THRB: variants seen among roughly 807,000 people sequenced by gnomAD.
THRB encodes thyroid hormone receptor beta.
A neutral mutation model predicts 47.8 loss-of-function variants in THRB; 12 were observed. The observed-to-expected ratio is 0.25, with a 90% CI of 0.16 to 0.41. The LOEUF (loss-of-function observed/expected upper bound fraction) is 0.41. Among genes scored for constraint, THRB ranks in the 10% least tolerant of loss-of-function variants. The pLI is 1.00. For missense variants in THRB, 348 were observed against 589.2 expected (o/e 0.59, Z 4.24); for synonymous variants, 218 against 212.2 (o/e 1.03, Z -0.24).
intron 3 of THRB, among the ~76,000 whole-genome samples, chr3:24,290,592 C>G (rs1361551384): frequency 6.6e-6 from 1 of 152,150 alleles, no homozygotes; most frequent in East Asian, 1.9e-4. Context: ...TTCAGTTTCT[C>G]CTCCAAGAGA....
intron 1 of THRB, among the ~76,000 whole-genome samples, chr3:24,453,226 A>G (rs990912623): frequency 1.3e-5 from 2 of 152,214 alleles, no homozygotes; most frequent in African/African-American, 4.8e-5. Context: ...AGCATTCACT[A>G]TGTGCCAGGT....
chr3:24,439,261 C>T (rs1159365972), intron 1 of THRB, among the ~76,000 whole-genome samples: 1 of 152,100 alleles, frequency 6.6e-6, no homozygotes, highest in Non-Finnish European at 1.5e-5. Flanking sequence ...ATATGACAGC[C>T]AACAACTGCA....
At chr3:24,435,497 C>A (rs1370499886) in intron 1 of THRB, among the ~76,000 whole-genome samples, 2 of 152,150 alleles carry the variant, frequency 1.3e-5, no homozygotes, top group African/African-American at 4.8e-5. Flanking sequence ...CACATCCAAA[C>A]CCCCCAGGGC....
At chr3:24,453,106 G>A (rs1431357553) in intron 1 of THRB, among the ~76,000 whole-genome samples, 6 of 152,182 alleles carry the variant, frequency 3.9e-5, no homozygotes, top group East Asian at 1.9e-4. Context: ...TACACAAGCC[G>A]GATACCTGTC....
intron 1 of THRB, among the ~76,000 whole-genome samples, chr3:24,385,385 T>G (rs1198367297): frequency 1.3e-5 from 2 of 151,122 alleles, no homozygotes; most frequent in Non-Finnish European, 2.9e-5. Context: ...CCAGAGAAAA[T>G]CAACTACACT....
chr3:24,456,399 G>T (rs1461387310), intron 1 of THRB, among the ~76,000 whole-genome samples: 1 of 151,430 alleles, frequency 6.6e-6, no homozygotes, highest in African/African-American at 2.4e-5. Context: ...AATCTGTTTT[G>T]GTTGTCACCT....
intron 3 of THRB, among the ~76,000 whole-genome samples, chr3:24,245,639 G>A (rs1363566042): frequency 6.6e-6 from 1 of 152,168 alleles, no homozygotes; most frequent in East Asian, 1.9e-4. Context: ...CTGGTCAGGT[G>A]CAGTGGCTCA....
intron 1 of THRB, among the ~76,000 whole-genome samples, chr3:24,396,164 T>A (rs926825701): frequency 8.5e-5 from 13 of 152,048 alleles, no homozygotes; most frequent in African/African-American, 2.9e-4. Context: ...TATATATATA[T>A]ATAGGCATAT....
At chr3:24,161,074 G>A (rs2038738150) in intron 5 of THRB, among the ~76,000 whole-genome samples, 1 of 152,182 alleles carries the variant, frequency 6.6e-6, no homozygotes, top group Non-Finnish European at 1.5e-5. Flanking sequence ...ACTTGGACTT[G>A]GTTTGGAAAC....
At chr3:24,223,950 G>C (rs2047403683) in intron 4 of THRB, among the ~76,000 whole-genome samples, 1 of 152,120 alleles carries the variant, frequency 6.6e-6, no homozygotes, top group East Asian at 1.9e-4. Flanking sequence ...GTTTTGAAAG[G>C]CTTGATACAA....
At chr3:24,311,732 T>C (rs930745871) in intron 2 of THRB, among the ~76,000 whole-genome samples, 1 of 152,186 alleles carries the variant, frequency 6.6e-6, no homozygotes, top group Non-Finnish European at 1.5e-5. Context: ...CCTTGCTCTT[T>C]CAATGTTGGT....
chr3:24,292,465 A>G (rs1288290077), intron 3 of THRB, among the ~76,000 whole-genome samples: 1 of 152,154 alleles, frequency 6.6e-6, no homozygotes, highest in Non-Finnish European at 1.5e-5. Flanking sequence ...AAGGCTCTGA[A>G]CTGAGATGTA....
chr3:24,437,663 A>T (rs1295465062), intron 1 of THRB, among the ~76,000 whole-genome samples: 1 of 152,082 alleles, frequency 6.6e-6, no homozygotes, highest in African/African-American at 2.4e-5. Context: ...TATATTAACA[A>T]AAAAGTTTGC....
At chr3:24,128,381 GTTC>G (rs2033269540) in intron 9 of THRB, among the ~76,000 whole-genome samples, 2 of 152,172 alleles carry the variant, frequency 1.3e-5, no homozygotes, top group African/African-American at 4.8e-5. Flanking sequence ...CCAAGGTTGT[GTTC>G]TTCTCAGCAC....
chr3:24,278,979 G>A lies in THRB; in HGVS notation c.-43+18247C>T, dbSNP rs571635560. Among the ~76,000 whole-genome samples the A allele has an allele frequency of 3.9e-5, 6 of 152,226 alleles. 1 individual carries two copies. Among genetic ancestry groups the A allele is most frequent in the African/African-American group, 9.6e-5 (4 of 41,546 alleles). On this transcript the variant is annotated intron_variant, in intron 3 of 10. Coordinates refer to ENST00000646209, the MANE Select transcript of THRB (RefSeq NM_001354712.2). ...TCCCCCTCAGCCTCCCAAGTAGTTA[G>A]GACTACCGGTGCATACTACCACGTC...
At position 24,233,440 on chromosome 3, in the gene THRB, T is replaced by G. The variant is rs185536723; in HGVS notation, c.-42-4439A>C. 7.9e-5 allele frequency among the ~76,000 whole-genome samples: 11 copies of G among 139,814 alleles called. No individual in the cohort carries two copies. In the East Asian group the frequency reaches 2.3e-3, roughly 30 times the overall value. The allele number at this position is 139,814 out of a possible 152,430, so 91.7% of individuals were successfully genotyped here. On this transcript the variant is annotated intron_variant, in intron 3 of 10. Coordinates refer to ENST00000646209, the MANE Select transcript of THRB (RefSeq NM_001354712.2). ...GAGTTTGAGACCAGCCTGGTCAACA[T>G]AGTGAGACCCTGTCTCAAAAAAAAG...
chr3:24,468,366 C>T (rs1278869206), intron 1 of THRB, among the ~76,000 whole-genome samples: 1 of 152,176 alleles, frequency 6.6e-6, no homozygotes, highest in Non-Finnish European at 1.5e-5. Context: ...AAGAACTTTT[C>T]CTTTGCATGT....
At chr3:24,412,581 T>TA (rs1226305696) in intron 1 of THRB, among the ~76,000 whole-genome samples, 1 of 151,770 alleles carries the variant, frequency 6.6e-6, no homozygotes, top group Admixed American at 6.6e-5. Flanking sequence ...GCTCTCCAAA[T>TA]ATAGGAAGAT....
In THRB at chr3:24,488,939, C is replaced by T. The variant is rs539432697; in HGVS notation, c.-261+5713G>A. On this transcript the variant is annotated intron_variant, in intron 1 of 10. Coordinates refer to ENST00000646209, the MANE Select transcript of THRB (RefSeq NM_001354712.2). ...CTTCTTAGAATAATTTTAAACATAT[C>T]GATGGATGTTGGTCAATCAATAAAA... 9.9e-5 allele frequency among the ~76,000 whole-genome samples: 15 copies of T among 152,170 alleles called. No individual in the cohort carries two copies. The East Asian group carries it at 2.5e-3, about 25-fold the overall frequency.
Sources: gnomAD v4.1 joint callset for allele counts (sites outside exome capture counted in the v4.1 genomes callset) on GRCh38, gnomAD v4.1.1 for gene constraint, MANE v1.5 for transcripts, NCBI Gene and HGNC (gene_info 2026-07-23, HGNC 2026-07-21) for gene names.